Variants in CLCN3 observed in about 807,000 individuals in gnomAD.
CLCN3 encodes Cl-/H+ antiporter 3.
Under a neutral mutation model 83.4 loss-of-function variants are expected in CLCN3, and 16 were observed. The observed-to-expected ratio is 0.19, with a 90% confidence interval of 0.13 to 0.29. CLCN3 has a LOEUF of 0.29. CLCN3 is among the 10% of genes least tolerant of loss of function. The pLI, the probability that CLCN3 is intolerant of heterozygous loss-of-function variation, is 1.00. For synonymous variants in CLCN3, 322 were observed against 346.2 expected (o/e 0.93, Z 0.78); for missense variants, 544 against 1,006.0 (o/e 0.54, Z 6.21).
intron 2 of CLCN3, chr4:169,643,072 A>G (rs1160952637): frequency 1.3e-5 from 2 of 152,206 alleles, no homozygotes; most frequent in South Asian, 2.1e-4. Flanking sequence ...ACAGAGCTAT[A>G]TTATAAAAGA....
intron 2 of CLCN3, among the ~76,000 whole-genome samples, chr4:169,674,876 G>A (rs1443578762): frequency 6.6e-6 from 1 of 151,900 alleles, no homozygotes; most frequent in East Asian, 1.9e-4. Flanking sequence ...TCAGCCTCCC[G>A]AGTAGCTGGG....
chr4:169,659,627 G>A lies in CLCN3; in HGVS notation c.161-20423G>A, dbSNP rs72694772. On this transcript the variant is annotated intron_variant, in intron 2 of 12. Coordinates refer to ENST00000513761, the MANE Select transcript of CLCN3 (RefSeq NM_001829.4). ...CCTTCAAGAAAGGAAACAAGAAGCC[G>A]CTGGAGGAGATTGGTGAGTGGGATA... Among the ~76,000 whole-genome samples the A allele has an allele frequency of 4.3e-3, 647 of 152,182 alleles. 7 individuals are homozygous for A. Among genetic ancestry groups the A allele is most frequent in the South Asian group, 0.036 (174 of 4,814 alleles).
At chr4:169,657,062 A>T (rs1051583847) in intron 2 of CLCN3, among the ~76,000 whole-genome samples, 1 of 152,196 alleles carries the variant, frequency 6.6e-6, no homozygotes, top group Non-Finnish European at 1.5e-5. Context: ...TTAATTATCA[A>T]TTCATAGCCA....
chr4:169,644,269 C>CTT (rs56979682), intron 2 of CLCN3, among the ~76,000 whole-genome samples: 9 of 135,998 alleles, frequency 6.6e-5, no homozygotes, highest in South Asian at 4.7e-4. Flanking sequence ...TTTTTTTTTT[C>CTT]TTTTTTTTTT....
At chr4:169,684,211 G>A (rs1365272601) in intron 3 of CLCN3, among the ~76,000 whole-genome samples, 1 of 152,154 alleles carries the variant, frequency 6.6e-6, no homozygotes, top group Non-Finnish European at 1.5e-5. Context: ...CAAAATGGTT[G>A]CAGTTTAATT....
intron 10 of CLCN3, 114 bp downstream of exon 10, chr4:169,704,298 G>A (rs570790650): frequency 1.9e-4 from 159 of 854,060 alleles, no homozygotes; most frequent in South Asian, 7.1e-4. Flanking sequence ...AAAGGAGGGT[G>A]CCAGGAGGAG....
chr4:169,656,873 C>T (rs564317940), intron 2 of CLCN3, among the ~76,000 whole-genome samples: 9 of 152,088 alleles, frequency 5.9e-5, no homozygotes, highest in South Asian at 2.1e-4. Context: ...GCTAGGGGGT[C>T]GAAGCTTCAG....
chr4:169,719,892 G>T lies in CLCN3; in HGVS notation c.2367-15G>T. On this transcript the variant is annotated splice_polypyrimidine_tract_variant and intron_variant, in intron 12 of 12. Coordinates refer to ENST00000513761, the MANE Select transcript of CLCN3 (RefSeq NM_001829.4). ...CCCTTTTATTTCATAGGAGTCTTCT[G>T]TTTATTCCTTTCAGGCGCCTCCTTG... 2 of 1,600,082 alleles carry T rather than the reference G, an allele frequency of 1.2e-6. No homozygotes were observed. The highest frequency in any genetic ancestry group is 1.7e-6 in the Non-Finnish European group (2 of 1,174,818).
At chr4:169,636,162 G>T in intron 2 of CLCN3, 74 bp downstream of exon 2, 3 of 1,307,022 alleles carry the variant, frequency 2.3e-6, no homozygotes, top group South Asian at 3.1e-5. Flanking sequence ...ATTTTATTGA[G>T]GTTGAATTTT....
chr4:169,648,305 G>A (rs1730632677), intron 2 of CLCN3, among the ~76,000 whole-genome samples: 1 of 152,176 alleles, frequency 6.6e-6, no homozygotes. Flanking sequence ...TGAATGAGAG[G>A]TATTTGGGAC....
At chr4:169,627,446 A>G (rs1180170037) in intron 1 of CLCN3, among the ~76,000 whole-genome samples, 3 of 152,238 alleles carry the variant, frequency 2.0e-5, no homozygotes, top group South Asian at 4.1e-4. Flanking sequence ...GATGTGTATC[A>G]TACCATATTG....
chr4:169,647,404 TTATA>T (rs1730606005), intron 2 of CLCN3, among the ~76,000 whole-genome samples: 1 of 151,846 alleles, frequency 6.6e-6, no homozygotes. Context: ...AAAAAAAATC[TTATA>T]TAGTTAACTT....
At chr4:169,634,801 C>A (rs1442423689) in intron 1 of CLCN3, among the ~76,000 whole-genome samples, 1 of 151,978 alleles carries the variant, frequency 6.6e-6, no homozygotes, top group African/African-American at 2.4e-5. Flanking sequence ...GTCATTATGC[C>A]AGATGTGGAG....
chr4:169,706,855 T>G lies in CLCN3; in HGVS notation c.1751-13T>G. ...CCTGTCCTTCCTGACCAGTGGGTGC[T>G]TACTTTTTTCAGGTGGTGTGACAAG... On this transcript the variant is annotated splice_polypyrimidine_tract_variant and intron_variant, in intron 10 of 12. Coordinates refer to ENST00000513761, the MANE Select transcript of CLCN3 (RefSeq NM_001829.4). The G allele has an allele frequency of 6.2e-7, 1 of 1,603,834 alleles. No individual in the cohort carries two copies.
intron 11 of CLCN3, among the ~76,000 whole-genome samples, chr4:169,707,793 T>A (rs1733050878): frequency 6.6e-6 from 1 of 152,190 alleles, no homozygotes; most frequent in Non-Finnish European, 1.5e-5. Context: ...TCTGATCAAA[T>A]GCCAGGTTGA....
Position 169,708,938 on chromosome 4 carries a change from A to G in CLCN3, c.2149+1672A>G, listed in dbSNP as rs531387520. 2.0e-5 allele frequency among the ~76,000 whole-genome samples: 3 copies of G among 148,828 alleles called. No individual in the cohort carries two copies. In the South Asian group the frequency reaches 6.3e-4, roughly 31 times the overall value. On this transcript the variant is annotated intron_variant, in intron 11 of 12. Transcript: ENST00000513761. ...AACAGACCTGTATATTAAGTTTTAT[A>G]TATATATATAAATTTAAAATTACAT...
At chr4:169,684,087 C>T (rs1464345545) in intron 3 of CLCN3, among the ~76,000 whole-genome samples, 1 of 152,200 alleles carries the variant, frequency 6.6e-6, no homozygotes, top group Non-Finnish European at 1.5e-5. Flanking sequence ...ATATACCCAA[C>T]CTAATTCTTT....
chr4:169,715,558 G>A (rs573454425), intron 12 of CLCN3, among the ~76,000 whole-genome samples: 1 of 152,146 alleles, frequency 6.6e-6, no homozygotes, highest in South Asian at 2.1e-4. Flanking sequence ...GTTTTTAAAG[G>A]AGACCATGAA....
chr4:169,637,701 T>C (rs1312181862), intron 2 of CLCN3, among the ~76,000 whole-genome samples: 1 of 152,116 alleles, frequency 6.6e-6, no homozygotes, highest in Non-Finnish European at 1.5e-5. Flanking sequence ...TATTCTCCTG[T>C]TTTGTTCTAG....
Sources: allele counts gnomAD v4.1 joint callset (sites outside exome capture counted in the v4.1 genomes callset), GRCh38; gene constraint gnomAD v4.1.1; transcripts MANE v1.5; gene names NCBI Gene and HGNC (gene_info 2026-07-23, HGNC 2026-07-21).